Variants in CFAP20DC observed in about 807,000 individuals in gnomAD.
The protein encoded by CFAP20DC is CFAP20 domain containing, also known as protein CFAP20DC.
A neutral mutation model predicts 101.7 loss-of-function variants in CFAP20DC; 84 were observed. The observed-to-expected ratio is 0.83, with a 90% confidence interval of 0.69 to 0.99. The LOEUF is 0.99. Among genes scored for constraint, CFAP20DC ranks in the 50% least tolerant of loss-of-function variants. CFAP20DC has a pLI of 0.00. For synonymous variants in CFAP20DC, 359 were observed against 351.2 expected, an observed-to-expected ratio of 1.02 and a Z score of -0.25; for missense variants, 1,007 against 970.3, an observed-to-expected ratio of 1.04 and a Z score of -0.50.
Position 58,864,245 on chromosome 3 carries a change from C to G in CFAP20DC, c.1259-353G>C, listed in dbSNP as rs532267349. On this transcript the variant is annotated intron_variant, in intron 11 of 16. Transcript: ENST00000482387. This position sits in a 1 kb window ranked among gnomAD's most constrained non-coding sequence, Gnocchi z 4.7. ...AAGCTGGGATTACAGGCATGAGCCA[C>G]CGCGCCTGGCCAAAAGTGTTATTTT... Among the ~76,000 whole-genome samples the G allele has an allele frequency of 5.3e-5, 8 of 152,324 alleles. No homozygotes were observed. In the South Asian group the frequency reaches 1.7e-3, roughly 32 times the overall value.
At chr3:58,933,834 T>A (rs1015135370) in intron 5 of CFAP20DC, among the ~76,000 whole-genome samples, 2 of 151,664 alleles carry the variant, frequency 1.3e-5, no homozygotes, top group African/African-American at 4.8e-5. Flanking sequence ...GATCCAAAAT[T>A]GACACCCTAA....
intron 14 of CFAP20DC, among the ~76,000 whole-genome samples, chr3:58,816,105 C>T (rs1261994038): frequency 7.9e-5 from 12 of 151,678 alleles, no homozygotes; most frequent in African/African-American, 2.9e-4. Flanking sequence ...GACTGGGAAC[C>T]AACCCAAATG....
chr3:58,886,634 C>A (rs2081652020), intron 6 of CFAP20DC, among the ~76,000 whole-genome samples: 1 of 151,760 alleles, frequency 6.6e-6, no homozygotes, highest in South Asian at 2.1e-4. Context: ...ATCACCTGAG[C>A]CTGGGCGGTG....
rs540125300 is a variant in CFAP20DC, at chr3:58,966,245, G to A, written c.279-28483C>T. Among the ~76,000 whole-genome samples the A allele has an allele frequency of 4.6e-5, 7 of 152,252 alleles. 1 individual carries two copies. In the East Asian group the frequency reaches 1.4e-3, roughly 29 times the overall value. ...CCCAGAAGTGACCCTTAAAGCCAGGGAATGGCCCTTGTTTTCTAAGAACAG... is the reference window on the plus strand; with the variant it reads ...CCCAGAAGTGACCCTTAAAGCCAGGAAATGGCCCTTGTTTTCTAAGAACAG... On this transcript the variant is annotated intron_variant, in intron 4 of 16. Coordinates refer to ENST00000482387, the MANE Select transcript of CFAP20DC (RefSeq NM_001394063.1).
chr3:58,984,507 C>T (rs536788089), intron 4 of CFAP20DC, among the ~76,000 whole-genome samples: 75 of 152,290 alleles, frequency 4.9e-4, no homozygotes, highest in African/African-American at 1.7e-3. Context: ...GAAAGAGATG[C>T]CAAATCATTT....
At chr3:58,924,145 T>C (rs1462243489) in intron 5 of CFAP20DC, among the ~76,000 whole-genome samples, 2 of 152,148 alleles carry the variant, frequency 1.3e-5, no homozygotes, top group African/African-American at 4.8e-5. Context: ...ATATTGCTTA[T>C]GGTGAGGTTT....
intron 15 of CFAP20DC, among the ~76,000 whole-genome samples, chr3:58,783,228 T>C (rs1575626957): frequency 6.6e-6 from 1 of 152,042 alleles, no homozygotes; most frequent in Non-Finnish European, 1.5e-5. Context: ...GATATCCATA[T>C]GCAGAAGAAT....
At chr3:58,726,223 A>G (rs556642503) in intron 3 of CFAP20DC, 1 of 152,398 alleles carries the variant, frequency 6.6e-6, no homozygotes, top group Admixed American at 6.5e-5. Context: ...AAAGAACTAT[A>G]TAGGGTAAAT....
At chr3:58,740,787 TTA>T (rs1463886238), downstream of CFAP20DC, among the ~76,000 whole-genome samples, 1 of 152,174 alleles carries the variant, frequency 6.6e-6, no homozygotes, top group Non-Finnish European at 1.5e-5. The surrounding 1 kb of genome is among the most constrained non-coding windows in gnomAD (Gnocchi z 4.6). Context: ...CATATGTCCC[TTA>T]TATATGGTCC....
intron 4 of CFAP20DC, among the ~76,000 whole-genome samples, chr3:58,990,748 T>A (rs144190465): frequency 6.8e-6 from 1 of 146,886 alleles, no homozygotes; most frequent in East Asian, 2.0e-4. Context: ...TTTAGGATGC[T>A]CAGCTGGTGT....
chr3:58,782,567 A>G (rs2107580178), intron 15 of CFAP20DC, among the ~76,000 whole-genome samples: 1 of 152,238 alleles, frequency 6.6e-6, no homozygotes, highest in African/African-American at 2.4e-5. Context: ...GATTTGATAA[A>G]TTCAGTAAAG....
At chr3:58,854,925 G>A (rs532222925) in intron 12 of CFAP20DC, among the ~76,000 whole-genome samples, 3 of 144,696 alleles carry the variant, frequency 2.1e-5, no homozygotes, top group African/African-American at 7.7e-5. Context: ...CATAGGCATG[G>A]GCAAGGACTT....
At chr3:58,982,441 G>A (rs1160299317) in intron 4 of CFAP20DC, among the ~76,000 whole-genome samples, 2 of 152,026 alleles carry the variant, frequency 1.3e-5, no homozygotes, top group South Asian at 2.1e-4. Flanking sequence ...ATTCACAATA[G>A]CAAAGACTTG....
intron 15 of CFAP20DC, among the ~76,000 whole-genome samples, chr3:58,792,596 TA>T (rs2072944448): frequency 6.6e-6 from 1 of 152,026 alleles, no homozygotes; most frequent in South Asian, 2.1e-4. Context: ...TACTTTCTGA[TA>T]AATATTTGTA....
At chr3:58,851,754 AC>A (rs1287390216) in intron 12 of CFAP20DC, among the ~76,000 whole-genome samples, 5 of 152,184 alleles carry the variant, frequency 3.3e-5, no homozygotes, top group Admixed American at 6.5e-5. Flanking sequence ...TGAAAAAAAA[AC>A]ATGCCTCTTA....
chr3:58,856,907 G>T (rs1464484228), intron 12 of CFAP20DC, among the ~76,000 whole-genome samples: 1 of 152,118 alleles, frequency 6.6e-6, no homozygotes, highest in Non-Finnish European at 1.5e-5. Flanking sequence ...TTGGCAGTGG[G>T]ATTTCTGTGA....
At chr3:58,943,287 C>T (rs2088886562) in intron 4 of CFAP20DC, among the ~76,000 whole-genome samples, 1 of 152,166 alleles carries the variant, frequency 6.6e-6, no homozygotes, top group African/African-American at 2.4e-5. Flanking sequence ...GAGACACCTC[C>T]CAGCAGGGGT....
At chr3:59,048,424 A>G (rs1217009871) in intron 1 of CFAP20DC, among the ~76,000 whole-genome samples, 1 of 152,164 alleles carries the variant, frequency 6.6e-6, no homozygotes, top group Non-Finnish European at 1.5e-5. Flanking sequence ...GGCAGGTAAT[A>G]TTTCACTATG....
chr3:58,754,833 T>C (rs2068818411), intron 15 of CFAP20DC, among the ~76,000 whole-genome samples: 1 of 152,176 alleles, frequency 6.6e-6, no homozygotes, highest in African/African-American at 2.4e-5. Flanking sequence ...ATTGCTAAGA[T>C]TCATGTGTGA....
Sources: allele counts gnomAD v4.1 joint callset (sites outside exome capture counted in the v4.1 genomes callset), GRCh38; gene constraint gnomAD v4.1.1; non-coding constraint Gnocchi (gnomAD v3.1); transcripts MANE v1.5; gene names NCBI Gene and HGNC (gene_info 2026-07-23, HGNC 2026-07-21).